Variants in COA8 observed in about 807,000 individuals in gnomAD.
COA8 encodes cytochrome c oxidase assembly factor 8.
A neutral mutation model predicts 22.0 loss-of-function variants in COA8; 20 were observed. That is an observed-to-expected ratio of 0.91 (90% CI 0.64 to 1.32). The LOEUF (loss-of-function observed/expected upper bound fraction) is 1.32. Ranked by LOEUF, COA8 falls within the 40% of genes most tolerant of loss-of-function variation. The pLI is 0.00. For missense variants in COA8, 266 were observed against 230.0 expected (o/e 1.16, Z -1.01); for synonymous variants, 105 against 79.9 (o/e 1.31, Z -1.68).
intron 3 of COA8, chr14:103,574,607 A>C (rs1885784328): frequency 5.6e-6 from 2 of 354,352 alleles, no homozygotes; most frequent in Non-Finnish European, 1.1e-5. Flanking sequence ...AGTTGTTCTG[A>C]TAGAAAATCC....
chr14:103,570,461 G>A (rs1446513901), intron 1 of COA8, among the ~76,000 whole-genome samples: 4 of 152,122 alleles, frequency 2.6e-5, no homozygotes, highest in South Asian at 2.1e-4. Context: ...GGCCAGGCAC[G>A]GTGGCTCACG....
At chr14:103,590,144 C>A (rs1243732508) in intron 4 of COA8, 37 bp from the exon 5 acceptor site, 1 of 1,574,840 alleles carries the variant, frequency 6.3e-7, no homozygotes, top group Non-Finnish European at 8.7e-7. Context: ...TCAGTCCCTG[C>A]CACCGTGTCA....
Position 103,581,456 on chromosome 14 carries a change from C to T in COA8, c.386-5818C>T, listed in dbSNP as rs1595146516. 5.1e-6 allele frequency: 2 copies of T among 393,264 alleles called. No homozygotes were observed. The highest frequency in any genetic ancestry group is 7.2e-5 in the East Asian group (2 of 27,790). 24.4% of individuals were successfully genotyped at this position (393,264 alleles called of 1,614,324 possible). ...TGCTGGACAGAGGGAGGAGTCGCCTCCTGGGCTGGTCGGAGTAGGACCTTG... is the reference window on the plus strand; with the variant it reads ...TGCTGGACAGAGGGAGGAGTCGCCTTCTGGGCTGGTCGGAGTAGGACCTTG... On this transcript the variant is annotated intron_variant, in intron 3 of 4. Transcript: ENST00000409074. The surrounding 1 kb of genome is among the most constrained non-coding windows in gnomAD (Gnocchi z 4.1).
chr14:103,580,017 T>C (rs551534986), intron 3 of COA8, among the ~76,000 whole-genome samples: 31 of 151,626 alleles, frequency 2.0e-4, no homozygotes, highest in African/African-American at 5.6e-4. Context: ...GCATTTACAT[T>C]GTATTAGGTA....
intron 1 of COA8, among the ~76,000 whole-genome samples, chr14:103,571,225 C>T (rs555964112): frequency 1.1e-4 from 16 of 152,108 alleles, no homozygotes; most frequent in South Asian, 2.1e-4. Flanking sequence ...AAAAATTAGC[C>T]GGGCGTGGTG....
Position 103,581,783 on chromosome 14 carries a change from AC to A in COA8, c.386-5489del, listed in dbSNP as rs2076269045. 2.0e-5 allele frequency: 8 copies of A among 394,264 alleles called. No individual in the cohort carries two copies. The highest frequency in any genetic ancestry group is 3.6e-5 in the Non-Finnish European group (8 of 223,856). 24.4% of individuals were successfully genotyped at this position (394,264 alleles called of 1,614,324 possible). A position where few individuals can be genotyped will look rare whatever the true frequency, so the allele number is the denominator to read the frequency against. On this transcript the variant is annotated intron_variant, in intron 3 of 4. Transcript: ENST00000409074. This position sits in a 1 kb window ranked among gnomAD's most constrained non-coding sequence, Gnocchi z 4.1. ...CTGTTCTTCATTCCGGTGGCACTAG[AC>A]CTGCCCGGGCGGCCAGAGGACACGT...
At chr14:103,563,971 C>T (rs1490662519) in intron 1 of COA8, among the ~76,000 whole-genome samples, 1 of 152,146 alleles carries the variant, frequency 6.6e-6, no homozygotes. Flanking sequence ...TCCTGCCCAA[C>T]ATGGTGAAAC....
chr14:103,589,154 T>C (rs960988501), intron 4 of COA8, among the ~76,000 whole-genome samples: 1 of 152,176 alleles, frequency 6.6e-6, no homozygotes, highest in East Asian at 1.9e-4. Flanking sequence ...CTGCCTTCCC[T>C]GTGGCAACAG....
intron 2 of COA8, among the ~76,000 whole-genome samples, chr14:103,572,921 T>C (rs774735723): frequency 3.9e-4 from 60 of 151,910 alleles, no homozygotes; most frequent in Non-Finnish European, 4.7e-4. Context: ...TAGCTGGGAT[T>C]ACAGGCACAC....
In COA8 at chr14:103,590,161, C is replaced by T. The variant is rs1845026451; in HGVS notation, c.477-20C>T. On this transcript the variant is annotated intron_variant, in intron 4 of 4. Coordinates refer to ENST00000409074, the MANE Select transcript of COA8 (RefSeq NM_001370595.2). Reference sequence around the variant, plus strand: ...AGTCCCTGCCACCGTGTCACCTGTGCATCCTCTGTTTCTCTACAGAGATTG... The same window carrying T: ...AGTCCCTGCCACCGTGTCACCTGTGTATCCTCTGTTTCTCTACAGAGATTG... The T allele has an allele frequency of 1.2e-6, 2 of 1,606,670 alleles. No homozygotes were observed. The highest frequency in any genetic ancestry group is 1.3e-5 in the African/African-American group (1 of 74,904).
At chr14:103,569,079 C>T (rs1320461016) in intron 1 of COA8, among the ~76,000 whole-genome samples, 2 of 152,144 alleles carry the variant, frequency 1.3e-5, no homozygotes, top group African/African-American at 4.8e-5. Flanking sequence ...GAGGGTCTAG[C>T]GTGCCCTCCC....
chr14:103,572,258 C>T (rs1297389859), intron 2 of COA8, among the ~76,000 whole-genome samples: 2 of 152,128 alleles, frequency 1.3e-5, no homozygotes, highest in African/African-American at 2.4e-5. Flanking sequence ...GTCCATCCCC[C>T]GCACTGTATG....
intron 3 of COA8, among the ~76,000 whole-genome samples, chr14:103,580,105 C>A (rs1179154746): frequency 6.6e-6 from 1 of 152,084 alleles, no homozygotes; most frequent in Non-Finnish European, 1.5e-5. Context: ...GAGACAAAGC[C>A]TTGCTCTGCC....
intron 4 of COA8, 102 bp from the exon 5 acceptor site, chr14:103,590,079 G>A: frequency 1.1e-6 from 1 of 886,806 alleles, no homozygotes; most frequent in Non-Finnish European, 1.8e-6. Flanking sequence ...GTTGAGGCCT[G>A]GTCAGTTGAA....
At chr14:103,571,540 GTAAA>G (rs1434126789) in intron 1 of COA8, 79 bp from the exon 2 acceptor site, 9 of 1,369,456 alleles carry the variant, frequency 6.6e-6, no homozygotes, top group African/African-American at 2.9e-5. Context: ...CCGTCTCTAA[GTAAA>G]TAAATAAATC....
rs1273270611 is a variant in COA8 at position 103,579,935 on chromosome 14, C to T, written c.385+5765C>T. Among the ~76,000 whole-genome samples, 21 of 143,634 alleles carry T rather than the reference C, an allele frequency of 1.5e-4. No individual in the cohort carries two copies. In the Admixed American group the frequency reaches 1.5e-3, roughly 10 times the overall value. The allele number at this position is 143,634 out of a possible 152,430, so 94.2% of individuals were successfully genotyped here. A position where few individuals can be genotyped will look rare whatever the true frequency, so the allele number is the denominator to read the frequency against. On this transcript the variant is annotated intron_variant, in intron 3 of 4. Transcript: ENST00000409074. ...CCGAGATCATGCCACTGCACTCTAG[C>T]CTGGGCAACAAAGCAAGACTCTGTC...
chr14:103,576,068 G>T (rs2076227973), intron 3 of COA8, among the ~76,000 whole-genome samples: 1 of 152,062 alleles, frequency 6.6e-6, no homozygotes, highest in Non-Finnish European at 1.5e-5. Context: ...AGCACTTTGG[G>T]AGGCTGAGGC....
chr14:103,580,153 T>G (rs1023200046), intron 3 of COA8, among the ~76,000 whole-genome samples: 1 of 151,990 alleles, frequency 6.6e-6, no homozygotes, highest in Non-Finnish European at 1.5e-5. Context: ...CGTGGCTCCC[T>G]GGAGCTTCAA....
intron 2 of COA8, among the ~76,000 whole-genome samples, chr14:103,572,774 C>CA (rs1169699744): frequency 8.2e-4 from 114 of 139,634 alleles, no homozygotes; most frequent in African/African-American, 2.4e-3. Flanking sequence ...CCTGAGAATT[C>CA]AAAAAAAAAA....
Sources: gnomAD v4.1 joint callset for allele counts (sites outside exome capture counted in the v4.1 genomes callset) on GRCh38, gnomAD v4.1.1 for gene constraint, Gnocchi (gnomAD v3.1) non-coding constraint, MANE v1.5 for transcripts, NCBI Gene and HGNC (gene_info 2026-07-23, HGNC 2026-07-21) for gene names.